The following OTUD7A variants were observed in gnomAD, a reference collection of about 807,000 sequenced individuals.
OTUD7A encodes OTU deubiquitinase 7A.
A neutral mutation model predicts 65.7 loss-of-function variants in OTUD7A; 12 were observed. That is an observed-to-expected ratio of 0.18 (90% CI 0.12 to 0.30). The LOEUF (loss-of-function observed/expected upper bound fraction) is 0.30. Ranked by LOEUF, OTUD7A falls within the 10% of genes least tolerant of loss-of-function variation. The probability of loss-of-function intolerance (pLI) is 1.00; values close to 1 mark genes in which losing one functional copy is unlikely to be tolerated. For synonymous variants in OTUD7A, 641 were observed against 586.3 expected, an observed-to-expected ratio of 1.09 and a Z score of -1.35; for missense variants, 1,148 against 1,304.8, an observed-to-expected ratio of 0.88 and a Z score of 1.85.
chr15:31,571,679 A>T (rs1364637090), intron 3 of OTUD7A, among the ~76,000 whole-genome samples: 3 of 152,210 alleles, frequency 2.0e-5, no homozygotes, highest in African/African-American at 2.4e-5. Flanking sequence ...CATGGTAGTT[A>T]CCATTATTCT....
At chr15:31,767,735 T>A in intron 1 of OTUD7A, 1 of 713,220 alleles carries the variant, frequency 1.4e-6, no homozygotes, top group Non-Finnish European at 2.6e-6. Flanking sequence ...TTTCTCGGCA[T>A]TTTCCTGAGA....
At chr15:31,734,945 C>T (rs1162004637) in intron 1 of OTUD7A, among the ~76,000 whole-genome samples, 1 of 151,990 alleles carries the variant, frequency 6.6e-6, no homozygotes, top group East Asian at 1.9e-4. Flanking sequence ...AAAGAAACAC[C>T]AACAGAGTAA....
intron 3 of OTUD7A, among the ~76,000 whole-genome samples, chr15:31,591,047 G>C (rs1275425971): frequency 1.3e-5 from 2 of 152,148 alleles, no homozygotes; most frequent in East Asian, 3.9e-4. Context: ...TTGCAGAGGA[G>C]CCAGGGGGTC....
chr15:31,649,461 C>T (rs1891772106), intron 3 of OTUD7A, among the ~76,000 whole-genome samples: 2 of 152,242 alleles, frequency 1.3e-5, no homozygotes, highest in South Asian at 4.1e-4. Context: ...GACCATGTAC[C>T]TTCCGCTCAG....
At chr15:31,518,237 G>A (rs2041887945) in intron 8 of OTUD7A, among the ~76,000 whole-genome samples, 2 of 152,142 alleles carry the variant, frequency 1.3e-5, no homozygotes, top group African/African-American at 4.8e-5. Context: ...ACTTTGGGAG[G>A]CCGAGGCGGG....
At chr15:31,548,531 C>T (rs1227101791) in intron 5 of OTUD7A, among the ~76,000 whole-genome samples, 1 of 152,086 alleles carries the variant, frequency 6.6e-6, no homozygotes, top group East Asian at 1.9e-4. Context: ...CACAGCCAGG[C>T]AGCCATGGGC....
At position 31,570,054 on chromosome 15, in the gene OTUD7A, G is replaced by A; in HGVS notation, c.295C>T (p.Arg99Ter). The A allele has an allele frequency of 6.2e-7, 1 of 1,614,118 alleles. No individual in the cohort carries two copies. The highest frequency in any genetic ancestry group is 8.5e-7 in the Non-Finnish European group (1 of 1,180,020). ...TCGTCCTGCCTCTGCAGGCAGGGTC[G>A]CTCCACCTTGTGCCCGGGCTGTGGC... is the stretch of plus-strand genomic sequence containing the variant. ...REPQPGHKVE[R>*]PCLQRQDDIA... The change falls in exon 4 of 13, where the codon CGA becomes TGA. Residue 99 changes from arginine to a stop codon, truncating the protein, a stop_gained. Transcript: ENST00000307050. LOFTEE classifies it high-confidence loss of function.
At chr15:31,766,385 G>T in intron 1 of OTUD7A, 1 of 1,586,112 alleles carries the variant, frequency 6.3e-7, no homozygotes, top group East Asian at 2.2e-5. Context: ...GTAGAGCATC[G>T]ATGGCAACCC....
chr15:31,531,300 G>C (rs1375868421), intron 5 of OTUD7A, among the ~76,000 whole-genome samples: 5 of 152,054 alleles, frequency 3.3e-5, no homozygotes, highest in African/African-American at 1.2e-4. Context: ...AGATAGATCA[G>C]ATGTACTTTT....
intron 1 of OTUD7A, among the ~76,000 whole-genome samples, chr15:31,802,322 G>A (rs1896155958): frequency 6.6e-6 from 1 of 152,028 alleles, no homozygotes; most frequent in Admixed American, 6.6e-5. Flanking sequence ...GATGTAGGCT[G>A]GGAGGCTAGG....
In OTUD7A at chr15:31,487,660, T is replaced by C; in HGVS notation, c.1172-94A>G. The C allele has an allele frequency of 1.2e-6, 1 of 849,892 alleles. No individual in the cohort carries two copies. Among genetic ancestry groups the C allele is most frequent in the Admixed American group, 2.5e-5 (1 of 39,276 alleles). The allele number at this position is 849,892 out of a possible 1,614,324, so 52.6% of individuals were successfully genotyped here. On this transcript the variant is annotated intron_variant, in intron 10 of 12. Transcript: ENST00000307050. The surrounding 1 kb of genome is among the most constrained non-coding windows in gnomAD (Gnocchi z 6.0). ...CCAAGCCAGGTATCTGGGTGACAAATGCACCGAGTGGACATCTACACAGAT... is the reference window on the plus strand; with the variant it reads ...CCAAGCCAGGTATCTGGGTGACAAACGCACCGAGTGGACATCTACACAGAT...
At chr15:31,630,524 T>C (rs542237908) in intron 3 of OTUD7A, among the ~76,000 whole-genome samples, 5 of 152,298 alleles carry the variant, frequency 3.3e-5, no homozygotes, top group Admixed American at 3.3e-4. Context: ...ATGTGGTCAA[T>C]TTTGGAATAG....
chr15:31,724,197 C>T (rs1196026903), intron 1 of OTUD7A, among the ~76,000 whole-genome samples: 12 of 152,156 alleles, frequency 7.9e-5, no homozygotes, highest in Non-Finnish European at 1.5e-4. Context: ...CTTGTCTTTT[C>T]ATTTACAAAA....
chr15:31,671,921 C>T (rs1329049303), intron 1 of OTUD7A, among the ~76,000 whole-genome samples: 7 of 152,238 alleles, frequency 4.6e-5, no homozygotes, highest in Admixed American at 3.9e-4. Flanking sequence ...CCTCTTCCCA[C>T]CCTCCATCCT....
chr15:31,853,122 A>C (rs760455976), intron 1 of OTUD7A, among the ~76,000 whole-genome samples: 7 of 152,340 alleles, frequency 4.6e-5, no homozygotes, highest in Middle Eastern at 6.8e-3. Flanking sequence ...AGCCTTTGTG[A>C]AGAATTGTTC....
chr15:31,592,516 T>C (rs1431347233), intron 3 of OTUD7A, among the ~76,000 whole-genome samples: 1 of 152,076 alleles, frequency 6.6e-6, no homozygotes, highest in African/African-American at 2.4e-5. Flanking sequence ...CTGCCATCTC[T>C]TATAACAATG....
At chr15:31,619,988 T>C (rs566514735) in intron 3 of OTUD7A, among the ~76,000 whole-genome samples, 42 of 152,318 alleles carry the variant, frequency 2.8e-4, no homozygotes, top group African/African-American at 7.9e-4. Flanking sequence ...GGTTGTTGAA[T>C]TTTGTCAAAG....
chr15:31,609,240 C>T (rs886651249), intron 3 of OTUD7A, among the ~76,000 whole-genome samples: 4 of 152,160 alleles, frequency 2.6e-5, no homozygotes, highest in South Asian at 2.1e-4. Flanking sequence ...CAGGGGAAGG[C>T]GCGAATCTGA....
chr15:31,649,353 T>G (rs1891768408), intron 3 of OTUD7A, among the ~76,000 whole-genome samples: 2 of 152,204 alleles, frequency 1.3e-5, no homozygotes, highest in African/African-American at 4.8e-5. Context: ...CTCCTTTCTC[T>G]TATTGGCCTC....
Sources: allele counts gnomAD v4.1 joint callset (sites outside exome capture counted in the v4.1 genomes callset), GRCh38; gene constraint gnomAD v4.1.1; non-coding constraint Gnocchi (gnomAD v3.1); transcripts MANE v1.5; gene names NCBI Gene and HGNC (gene_info 2026-07-23, HGNC 2026-07-21).